The following TARS2 variants were observed in gnomAD, a reference collection of about 807,000 sequenced individuals.
TARS2 encodes threonine--tRNA ligase, mitochondrial.
A neutral mutation model predicts 94.4 loss-of-function variants in TARS2; 61 were observed. The observed-to-expected ratio is 0.65, with a 90% confidence interval of 0.53 to 0.80. The LOEUF is 0.80. Among genes scored for constraint, TARS2 ranks in the 30% least tolerant of loss-of-function variants. TARS2 has a pLI of 0.00. For missense variants in TARS2, 704 were observed against 902.5 expected (o/e 0.78, Z 2.82); for synonymous variants, 359 against 353.4 (o/e 1.02, Z -0.18).
chr1:150,505,694 A>G lies in TARS2; in HGVS notation c.1997A>G (p.Asn666Ser). Residue 666 changes from asparagine (N) to serine (S), a missense_variant, in exon 17 of 18, where the codon AAT (asparagine) becomes AGT (serine). Physicochemically the swap from Asn to Ser is conservative, Grantham distance 46. Coordinates refer to ENST00000369064, the MANE Select transcript of TARS2 (RefSeq NM_025150.5). ...CGCCGGGCCCAGCTTGCCCACTACA[A>G]TTTTCAGTTTGGTAAGCTGAACCTC... ...RIRRAQLAHY[N>S]FQFVVGQKEQ... 6.2e-7 allele frequency: 1 copy of G among 1,613,494 alleles called. No homozygotes were observed. The highest frequency in any genetic ancestry group is 8.5e-7 in the Non-Finnish European group (1 of 1,179,808).
chr1:150,499,256 A>G lies in TARS2; in HGVS notation c.1580A>G (p.Asp527Gly). Residue 527 changes from aspartate (D) to glycine (G), a missense_variant, in exon 13 of 18, where the codon GAC (aspartate) becomes GGC (glycine). Around this residue, in one of 3 missense-constraint regions of TARS2, gnomAD observed 466 missense variants for 609.5 expected, o/e 0.76. Coordinates refer to ENST00000369064, the MANE Select transcript of TARS2 (RefSeq NM_025150.5). ...QALKEFGEPWDLNSGDGAFYG... is the reference protein window; with the variant it reads ...QALKEFGEPWGLNSGDGAFYG... ...CTGAAGGAATTTGGAGAACCCTGGG[A>G]CCTCAACTCTGGAGATGGTGCCTTC... is the stretch of plus-strand genomic sequence containing the variant. The G allele has an allele frequency of 6.2e-7, 1 of 1,614,118 alleles. No individual in the cohort carries two copies. Among genetic ancestry groups the G allele is most frequent in the South Asian group, 1.1e-5 (1 of 91,088 alleles).
chr1:150,502,520 G>A (rs1161896777), intron 13 of TARS2, among the ~76,000 whole-genome samples: 2 of 151,970 alleles, frequency 1.3e-5, no homozygotes, highest in Admixed American at 6.6e-5. Flanking sequence ...CCAGTAGCTG[G>A]GATTACAGGC....
intron 13 of TARS2, among the ~76,000 whole-genome samples, chr1:150,503,639 GTATA>G (rs587637589): frequency 1.8e-5 from 2 of 113,774 alleles, no homozygotes; most frequent in Admixed American, 1.2e-4. Context: ...ATATGTGTGT[GTATA>G]TATGTGTGTA....
At chr1:150,489,536 G>T (rs1669287546) in intron 3 of TARS2, among the ~76,000 whole-genome samples, 1 of 152,078 alleles carries the variant, frequency 6.6e-6, no homozygotes, top group South Asian at 2.1e-4. Flanking sequence ...TGCCATCTAT[G>T]TGTAAATAGT....
rs768537673 is a variant in TARS2 at position 150,496,898 on chromosome 1, C to T, written c.1010C>T (p.Ala337Val). ...ACAAGGGTGTATAATGCACTAGTGG[C>T]GTTTATCAGGGTAAGGGGACCCAGG... is the stretch of plus-strand genomic sequence containing the variant. ...RGTRVYNALV[A>V]FIRAEYAHRG... is the part of the protein sequence containing the mutation. Residue 337 changes from alanine to valine, a missense_variant, in exon 9 of 18, where the codon GCG becomes GTG. Around this residue, in one of 3 missense-constraint regions of TARS2, gnomAD observed 466 missense variants for 609.5 expected, o/e 0.76. Transcript: ENST00000369064. 1.2e-6 allele frequency: 2 copies of T among 1,613,710 alleles called. No homozygotes were observed. Among genetic ancestry groups the T allele is most frequent in the Non-Finnish European group, 8.5e-7 (1 of 1,179,938 alleles).
At chr1:150,503,561 GTGTGTGTGTGTGTGTGTATATATA>G (rs1408276312) in intron 13 of TARS2, among the ~76,000 whole-genome samples, 2 of 98,866 alleles carry the variant, frequency 2.0e-5, no homozygotes, top group East Asian at 2.3e-4. Context: ...GTGTGTGTGT[GTGTGTGTGTGTGTGTGTATATATA>G]TGTGTGTGTG....
intron 13 of TARS2, among the ~76,000 whole-genome samples, chr1:150,501,075 T>C (rs1669890647): frequency 6.6e-6 from 1 of 152,004 alleles, no homozygotes; most frequent in Non-Finnish European, 1.5e-5. Context: ...ATTATCTGAA[T>C]TCTTCATGAG....
chr1:150,488,972 T>C lies in TARS2; in HGVS notation c.272T>C (p.Leu91Pro). 6.2e-7 allele frequency: 1 copy of C among 1,613,518 alleles called. No individual in the cohort carries two copies. The highest frequency in any genetic ancestry group is 1.3e-5 in the African/African-American group (1 of 75,048). ...YQLARQISST[L>P]ADTAVAAQVN... ...ACCTTCCACTGCTGAAGTTCAACACTGGCAGATACTGCAGTGGCTGCTCAA... is the reference window on the plus strand; with the variant it reads ...ACCTTCCACTGCTGAAGTTCAACACCGGCAGATACTGCAGTGGCTGCTCAA... The change falls in exon 3 of 18, where the codon CTG (leucine) becomes CCG (proline). Residue 91 changes from leucine to proline, a missense_variant. Physicochemically the swap from Leu to Pro is moderately conservative, Grantham distance 98 (BLOSUM62 -3). Coordinates refer to ENST00000369064, the MANE Select transcript of TARS2 (RefSeq NM_025150.5).
intron 1 of TARS2, 121 bp downstream of exon 1, chr1:150,487,637 G>A: frequency 7.1e-7 from 1 of 1,399,484 alleles, no homozygotes; most frequent in Non-Finnish European, 9.8e-7. Flanking sequence ...CGAGTCCCCA[G>A]AAAAGGACTC....
chr1:150,503,573 G>GTA (rs1271068151), intron 13 of TARS2, among the ~76,000 whole-genome samples: 2 of 126,604 alleles, frequency 1.6e-5, no homozygotes, highest in Non-Finnish European at 3.1e-5. Context: ...GTGTGTGTGT[G>GTA]TGTGTATATA....
Position 150,506,921 on chromosome 1 carries a change from G to A in TARS2, c.2014G>A (p.Gly672Ser), listed in dbSNP as rs1670250799. The A allele has an allele frequency of 6.2e-7, 1 of 1,613,916 alleles. No individual in the cohort carries two copies. Among genetic ancestry groups the A allele is most frequent in the Non-Finnish European group, 8.5e-7 (1 of 1,180,016 alleles). The change falls in exon 18 of 18, where the codon GGC becomes AGC. Residue 672 changes from glycine (G) to serine (S), a missense_variant. Physicochemically the swap from Gly to Ser is moderately conservative, Grantham distance 56. This residue lies in a region of TARS2 where 466 missense variants were observed against 609.5 expected (regional missense o/e 0.76). Transcript: ENST00000369064. ...LAHYNFQFVV[G>S]QKEQSKRTVN... ...CAAACTTCCTCTACCTGCAGTGGTT[G>A]GCCAGAAAGAGCAAAGTAAGAGAAC...
intron 2 of TARS2, 121 bp downstream of exon 2, chr1:150,488,175 T>C: frequency 8.6e-7 from 1 of 1,164,588 alleles, no homozygotes; most frequent in Non-Finnish European, 1.2e-6. Context: ...AAGATAGCCT[T>C]TCCTGAAGAT....
chr1:150,491,031 T>C (rs1669357887), intron 4 of TARS2, among the ~76,000 whole-genome samples: 1 of 150,526 alleles, frequency 6.6e-6, no homozygotes, highest in Non-Finnish European at 1.5e-5. Flanking sequence ...ACCCAACTTG[T>C]GTGACACAGC....
Position 150,498,603 on chromosome 1 carries a change from G to T in TARS2, c.1340G>T (p.Gly447Val), listed in dbSNP as rs757680151. The T allele has an allele frequency of 3.7e-6, 6 of 1,612,308 alleles. No homozygotes were observed. Among genetic ancestry groups the T allele is most frequent in the South Asian group, 2.2e-5 (2 of 90,860 alleles). Reference sequence around the variant, plus strand: ...GCCGAAGCCTCTGGTGGTCTGGGGGGACTGACCCGACTGCGGTGCTTCCAG... The same window carrying T: ...GCCGAAGCCTCTGGTGGTCTGGGGGTACTGACCCGACTGCGGTGCTTCCAG... ...HRAEASGGLG[G>V]LTRLRCFQQD... The change falls in exon 11 of 18, where the codon GGA (glycine) becomes GTA (valine). Residue 447 changes from glycine to valine, a missense_variant. Gly to Val is a moderately radical substitution (Grantham distance 109). Around this residue, in one of 3 missense-constraint regions of TARS2, gnomAD observed 466 missense variants for 609.5 expected, o/e 0.76. Transcript: ENST00000369064.
In TARS2 at chr1:150,487,947, C is replaced by T; in HGVS notation, c.156C>T (p.Ser52=). The T allele has an allele frequency of 1.2e-6, 2 of 1,614,080 alleles. No individual in the cohort carries two copies. Among genetic ancestry groups the T allele is most frequent in the South Asian group, 1.1e-5 (1 of 91,072 alleles). The change falls in exon 2 of 18, where the codon AGC becomes AGT. Residue 52 remains serine (S), a synonymous_variant. Transcript: ENST00000369064. ...LWAAQVKRLA[S]MAQKEPRTIK... Reference sequence around the variant, plus strand: ...CTGCTCAGGTAAAGAGATTAGCAAGCATGGCACAGAAGGAACCCCGGACTA... The same window carrying T: ...CTGCTCAGGTAAAGAGATTAGCAAGTATGGCACAGAAGGAACCCCGGACTA...
chr1:150,491,173 T>A (rs1450431093), intron 4 of TARS2, among the ~76,000 whole-genome samples: 1 of 152,232 alleles, frequency 6.6e-6, no homozygotes, highest in African/African-American at 2.4e-5. Context: ...CTATCCAGAT[T>A]TCCTGCATTC....
In TARS2 at chr1:150,504,617, C is replaced by CCT. The variant is rs2102510881; in HGVS notation, c.1719-15_1719-14insCT. 6.2e-7 allele frequency: 1 copy of CCT among 1,611,922 alleles called. No homozygotes were observed. Among genetic ancestry groups the CCT allele is most frequent in the Non-Finnish European group, 8.5e-7 (1 of 1,178,384 alleles). ...CTTCCACCATTCCATCCACCCCCCC[C>CCT]TTTTTCCTTTCAAGGCAGGCGGGTG... On this transcript the variant is annotated splice_polypyrimidine_tract_variant and intron_variant, in intron 14 of 17. Coordinates refer to ENST00000369064, the MANE Select transcript of TARS2 (RefSeq NM_025150.5).
At chr1:150,491,876 C>T (rs781166845) in intron 6 of TARS2, 12 of 513,218 alleles carry the variant, frequency 2.3e-5, no homozygotes, top group African/African-American at 3.9e-5. Flanking sequence ...CTCACTGCAA[C>T]CTCCGCCTCC....
At position 150,497,600 on chromosome 1, in the gene TARS2, A is replaced by G; in HGVS notation, c.1091A>G (p.Gln364Arg). 1 of 1,614,170 alleles carries G rather than the reference A, an allele frequency of 6.2e-7. No individual in the cohort carries two copies. The highest frequency in any genetic ancestry group is 2.2e-5 in the East Asian group (1 of 44,878). ...PTLFSTKLWEQSGHWEHYQED... is the reference protein window; with the variant it reads ...PTLFSTKLWERSGHWEHYQED... ...CTGTTTTCTACGAAGCTCTGGGAAC[A>G]GTCAGGGCACTGGGAGCATTATCAG... Residue 364 changes from glutamine (Q) to arginine (R), a missense_variant, in exon 10 of 18, where the codon CAG (glutamine) becomes CGG (arginine). Coordinates refer to ENST00000369064, the MANE Select transcript of TARS2 (RefSeq NM_025150.5).
Sources: gnomAD v4.1 joint callset for allele counts (sites outside exome capture counted in the v4.1 genomes callset) on GRCh38, gnomAD v4.1.1 for gene constraint, gnomAD v4.1.1 regional missense constraint, MANE v1.5 for transcripts, NCBI Gene and HGNC (gene_info 2026-07-23, HGNC 2026-07-21) for gene names.